The following RALYL variants were observed in gnomAD, a reference collection of about 807,000 sequenced individuals.
RALYL encodes RALY RNA binding protein like.
In RALYL, 29 loss-of-function variants were observed where a neutral mutation model predicts 35.1. The ratio of observed to expected loss-of-function variants is 0.83; its 90% CI spans 0.61 to 1.13. RALYL has a LOEUF of 1.13. Ranked by LOEUF, RALYL falls within the 50% of genes most tolerant of loss-of-function variation. The probability of loss-of-function intolerance (pLI) is 0.00; values close to 1 mark genes in which losing one functional copy is unlikely to be tolerated. For synonymous variants in RALYL, 120 were observed against 127.6 expected, an observed-to-expected ratio of 0.94 and a Z score of 0.40; for missense variants, 359 against 360.4, an observed-to-expected ratio of 1.00 and a Z score of 0.03.
At chr8:84,646,835 AGT>A (rs1827605521) in intron 2 of RALYL, among the ~76,000 whole-genome samples, 1 of 152,064 alleles carries the variant, frequency 6.6e-6, no homozygotes, top group African/African-American at 2.4e-5. Context: ...CGCTAAACCC[AGT>A]GTTAGGAACC....
chr8:84,313,877 T>A (rs568109675), intron 1 of RALYL, among the ~76,000 whole-genome samples: 22 of 152,196 alleles, frequency 1.4e-4, no homozygotes, highest in Non-Finnish European at 2.9e-4. Context: ...ATTTCCACAG[T>A]TGCTTCCACA....
At chr8:84,440,919 T>G (rs783788) in intron 1 of RALYL, among the ~76,000 whole-genome samples, 1 of 151,684 alleles carries the variant, frequency 6.6e-6, no homozygotes, top group Non-Finnish European at 1.5e-5. Context: ...GTTAAGTGTA[T>G]GTTTAATAAT....
At chr8:84,658,176 C>T (rs542711824) in intron 2 of RALYL, among the ~76,000 whole-genome samples, 8 of 152,154 alleles carry the variant, frequency 5.3e-5, no homozygotes, top group Non-Finnish European at 7.4e-5. Context: ...AACTCAACTG[C>T]ACATGCCCAC....
At chr8:84,348,807 T>C (rs1421804474) in intron 1 of RALYL, among the ~76,000 whole-genome samples, 1 of 137,228 alleles carries the variant, frequency 7.3e-6, no homozygotes, top group East Asian at 1.9e-4. Flanking sequence ...GTTCGGGTGG[T>C]GTATGTGTGT....
chr8:84,471,298 A>G (rs910078956), intron 1 of RALYL, among the ~76,000 whole-genome samples: 1 of 152,166 alleles, frequency 6.6e-6, no homozygotes, highest in Non-Finnish European at 1.5e-5. Flanking sequence ...AACAACAACA[A>G]CCAGCCAGGG....
At chr8:84,243,670 C>G (rs1828488254) in intron 1 of RALYL, among the ~76,000 whole-genome samples, 1 of 152,098 alleles carries the variant, frequency 6.6e-6, no homozygotes, top group Admixed American at 6.6e-5. Flanking sequence ...CTTTCCCACC[C>G]TCCATATGCA....
At chr8:84,597,531 G>A (rs1814858383) in intron 2 of RALYL, among the ~76,000 whole-genome samples, 1 of 152,018 alleles carries the variant, frequency 6.6e-6, no homozygotes, top group Admixed American at 6.6e-5. Flanking sequence ...CTCCAGTCTT[G>A]TCTCCTTCAA....
chr8:84,773,934 T>A (rs1259532114), intron 2 of RALYL, among the ~76,000 whole-genome samples: 1 of 152,190 alleles, frequency 6.6e-6, no homozygotes, highest in Non-Finnish European at 1.5e-5. Flanking sequence ...ATGAAGCATT[T>A]CTGGCCAGTC....
intron 1 of RALYL, among the ~76,000 whole-genome samples, chr8:84,310,639 T>C (rs2129826786): frequency 6.6e-6 from 1 of 152,260 alleles, no homozygotes; most frequent in Middle Eastern, 3.4e-3. Context: ...CATATAAAAA[T>C]AAATGTGAAA....
chr8:84,724,369 C>G (rs538557488), intron 2 of RALYL, among the ~76,000 whole-genome samples: 1 of 151,742 alleles, frequency 6.6e-6, no homozygotes, highest in Non-Finnish European at 1.5e-5. Flanking sequence ...AATTCATCAT[C>G]ATGTATTCAC....
intron 1 of RALYL, among the ~76,000 whole-genome samples, chr8:84,523,251 G>A (rs1212579907): frequency 1.3e-5 from 2 of 152,150 alleles, no homozygotes; most frequent in Non-Finnish European, 1.5e-5. Flanking sequence ...ATGGCAGCAG[G>A]CAAGAGGGCA....
intron 2 of RALYL, among the ~76,000 whole-genome samples, chr8:84,745,068 C>T (rs1162068617): frequency 2.2e-5 from 2 of 90,490 alleles, no homozygotes; most frequent in Non-Finnish European, 5.2e-5. Context: ...AAAACAAACA[C>T]ACACACACAC....
At chr8:84,561,216 A>G (rs1482228542) in intron 2 of RALYL, among the ~76,000 whole-genome samples, 1 of 152,058 alleles carries the variant, frequency 6.6e-6, no homozygotes, top group Non-Finnish European at 1.5e-5. Flanking sequence ...TTATGAGTGA[A>G]ATAAGTCAGA....
At chr8:84,796,755 A>G (rs1822009012) in intron 3 of RALYL, among the ~76,000 whole-genome samples, 1 of 138,606 alleles carries the variant, frequency 7.2e-6, no homozygotes, top group African/African-American at 2.8e-5. Context: ...TCTTAAGTAT[A>G]TTAAGTTATT....
chr8:84,808,411 G>GTAATA (rs1332477292), intron 4 of RALYL, among the ~76,000 whole-genome samples: 2 of 152,128 alleles, frequency 1.3e-5, no homozygotes, highest in East Asian at 3.9e-4. Context: ...CTATGTCCTT[G>GTAATA]TAATATAGTG....
chr8:84,748,444 G>C (rs1212636104), intron 2 of RALYL, among the ~76,000 whole-genome samples: 2 of 151,970 alleles, frequency 1.3e-5, no homozygotes, highest in Non-Finnish European at 2.9e-5. Flanking sequence ...TTAATCTTTG[G>C]AAGATCTCTC....
At chr8:84,319,124 A>G (rs939839319) in intron 1 of RALYL, among the ~76,000 whole-genome samples, 1 of 152,180 alleles carries the variant, frequency 6.6e-6, no homozygotes, top group Non-Finnish European at 1.5e-5. Context: ...TCAGCCAACT[A>G]TACATTGGCA....
chr8:84,772,221 C>T (rs1164262529), intron 2 of RALYL, among the ~76,000 whole-genome samples: 2 of 151,948 alleles, frequency 1.3e-5, no homozygotes, highest in African/African-American at 4.8e-5. Context: ...GGTCCCTTTC[C>T]TATCTCTCTA....
chr8:84,851,226 C>CA (rs978589529), intron 5 of RALYL, among the ~76,000 whole-genome samples: 23 of 151,572 alleles, frequency 1.5e-4, no homozygotes, highest in African/African-American at 4.4e-4. Flanking sequence ...CAATGAACAG[C>CA]AAAAAAAATC....
Sources: allele counts gnomAD v4.1 joint callset (sites outside exome capture counted in the v4.1 genomes callset), GRCh38; gene constraint gnomAD v4.1.1; transcripts MANE v1.5; gene names NCBI Gene and HGNC (gene_info 2026-07-23, HGNC 2026-07-21).